Variants in CCDC91 observed in about 807,000 individuals in gnomAD.
The protein encoded by CCDC91 is coiled-coil domain containing 91.
A neutral mutation model predicts 63.2 loss-of-function variants in CCDC91; 48 were observed. The observed-to-expected ratio is 0.76, with a 90% CI of 0.60 to 0.97. CCDC91 has a LOEUF of 0.97. Among genes scored for constraint, CCDC91 ranks in the 50% least tolerant of loss-of-function variants. The probability of loss-of-function intolerance (pLI) is 0.00; values close to 1 mark genes in which losing one functional copy is unlikely to be tolerated. For synonymous variants in CCDC91, 167 were observed against 165.8 expected (o/e 1.01, Z -0.06); for missense variants, 500 against 494.6 (o/e 1.01, Z -0.10).
At chr12:28,449,869 C>T (rs1343659788) in intron 8 of CCDC91, among the ~76,000 whole-genome samples, 1 of 151,742 alleles carries the variant, frequency 6.6e-6, no homozygotes, top group African/African-American at 2.4e-5. Flanking sequence ...GAAATTTAAT[C>T]TTGGAAAATA....
At chr12:28,257,376 T>C (rs1430932702) in intron 2 of CCDC91, 131 bp downstream of exon 2, 1 of 611,348 alleles carries the variant, frequency 1.6e-6, no homozygotes, top group Non-Finnish European at 2.9e-6. Context: ...AATTCTGGAG[T>C]AAAAAGATGA....
intron 8 of CCDC91, among the ~76,000 whole-genome samples, chr12:28,404,066 T>G (rs570143716): frequency 2.0e-5 from 3 of 152,144 alleles, no homozygotes; most frequent in South Asian, 2.1e-4. Flanking sequence ...TATTTTAGAT[T>G]TAATTTACTC....
rs769584853 is a variant in CCDC91 at position 28,452,710 on chromosome 12, G to A, written c.1101+56G>A. The A allele has an allele frequency of 6.5e-5, 59 of 902,774 alleles. 1 individual carries two copies. The South Asian group carries it at 9.2e-4, about 14-fold the overall frequency. 55.9% of individuals were successfully genotyped at this position (902,774 alleles called of 1,614,324 possible). On this transcript the variant is annotated intron_variant, in intron 11 of 12. Transcript: ENST00000536442. Reference sequence around the variant, plus strand: ...ACTTTTTTCTCATTTTTCTCAAAATGAAGTACCCTTACTCTATCTTTTATC... The same window carrying A: ...ACTTTTTTCTCATTTTTCTCAAAATAAAGTACCCTTACTCTATCTTTTATC...
At chr12:28,481,848 A>G (rs964618097) in intron 11 of CCDC91, among the ~76,000 whole-genome samples, 1 of 152,002 alleles carries the variant, frequency 6.6e-6, no homozygotes, top group African/African-American at 2.4e-5. Context: ...AAAAATTTCA[A>G]CTGAGAAGGT....
chr12:28,314,821 T>C (rs1246031687), intron 6 of CCDC91, among the ~76,000 whole-genome samples: 1 of 152,008 alleles, frequency 6.6e-6, no homozygotes, highest in Non-Finnish European at 1.5e-5. Context: ...GAAATGTATG[T>C]ATTTCTGTTG....
At chr12:28,417,337 T>C (rs997268116) in intron 8 of CCDC91, among the ~76,000 whole-genome samples, 19 of 152,232 alleles carry the variant, frequency 1.2e-4, no homozygotes, top group African/African-American at 4.6e-4. Flanking sequence ...ATCATGCAGC[T>C]ACTACCATAA....
In CCDC91 at chr12:28,450,372, A is replaced by G. The variant is rs1949742864; in HGVS notation, c.878A>G (p.Glu293Gly). ...CAGGAAATATTGGAAAAGTGTTTGG[A>G]GGAAGAAAGGCAAAGAAATAAAGAG... is the stretch of plus-strand genomic sequence containing the variant. ...EQKEILEKCL[E>G]EERQRNKEAL... The change falls in exon 10 of 13, where the codon GAG (glutamate) becomes GGG (glycine). Residue 293 changes from glutamate to glycine, a missense_variant. Transcript: ENST00000536442. 1.2e-6 allele frequency: 2 copies of G among 1,612,082 alleles called. No homozygotes were observed. The highest frequency in any genetic ancestry group is 1.3e-5 in the African/African-American group (1 of 74,864).
chr12:28,434,443 G>C (rs1948789783), intron 8 of CCDC91, among the ~76,000 whole-genome samples: 1 of 151,316 alleles, frequency 6.6e-6, no homozygotes, highest in Non-Finnish European at 1.5e-5. Flanking sequence ...AGCTATCCTT[G>C]CATACCTAGG....
chr12:28,480,998 A>G (rs1951416735), intron 11 of CCDC91, among the ~76,000 whole-genome samples: 1 of 152,028 alleles, frequency 6.6e-6, no homozygotes, highest in Admixed American at 6.6e-5. Flanking sequence ...AAAATATCAT[A>G]TAAGTTTTTA....
intron 1 of CCDC91, among the ~76,000 whole-genome samples, chr12:28,219,614 G>T (rs1310445252): frequency 6.6e-6 from 1 of 151,844 alleles, no homozygotes; most frequent in Non-Finnish European, 1.5e-5. Context: ...TGGGACTACA[G>T]GTGTCTGCCA....
intron 8 of CCDC91, among the ~76,000 whole-genome samples, chr12:28,432,962 T>C (rs574334081): frequency 7.9e-5 from 12 of 152,092 alleles, no homozygotes; most frequent in Non-Finnish European, 1.6e-4. Flanking sequence ...TTCCCTGATA[T>C]GGGAAATGTG....
intron 12 of CCDC91, among the ~76,000 whole-genome samples, chr12:28,492,012 TTTA>T (rs1207296369): frequency 6.6e-6 from 1 of 151,418 alleles, no homozygotes; most frequent in Non-Finnish European, 1.5e-5. Flanking sequence ...TTGTGAGCCG[TTTA>T]TTAAGGGACC....
intron 6 of CCDC91, among the ~76,000 whole-genome samples, chr12:28,338,596 A>T (rs1942182068): frequency 6.6e-6 from 1 of 151,960 alleles, no homozygotes; most frequent in African/African-American, 2.4e-5. Flanking sequence ...CAAGGTAAGG[A>T]TTTTGGATTT....
intron 5 of CCDC91, 24 bp from the exon 6 acceptor site, chr12:28,307,621 C>A: frequency 2.5e-6 from 3 of 1,189,438 alleles, no homozygotes; most frequent in Admixed American, 4.7e-5. Context: ...TATTACAAAG[C>A]TTGTATTTGT....
chr12:28,255,387 G>A (rs1946380553), intron 1 of CCDC91, among the ~76,000 whole-genome samples: 1 of 152,148 alleles, frequency 6.6e-6, no homozygotes, highest in Non-Finnish European at 1.5e-5. Context: ...GGATACATGT[G>A]GAAGAGATAA....
intron 3 of CCDC91, among the ~76,000 whole-genome samples, chr12:28,280,362 A>C (rs761994959): frequency 6.6e-6 from 1 of 151,850 alleles, no homozygotes; most frequent in South Asian, 2.1e-4. Flanking sequence ...TTTTTCCTGT[A>C]TACATCTCTG....
At chr12:28,237,449 C>A (rs2135909583) in intron 1 of CCDC91, among the ~76,000 whole-genome samples, 1 of 152,216 alleles carries the variant, frequency 6.6e-6, no homozygotes, top group African/African-American at 2.4e-5. Context: ...CAAGTGTCCT[C>A]ATAAGAGATA....
chr12:28,197,573 TG>T (rs1280099976), intron 1 of CCDC91, among the ~76,000 whole-genome samples: 1 of 152,128 alleles, frequency 6.6e-6, no homozygotes, highest in African/African-American at 2.4e-5. Flanking sequence ...TACCTAAGGT[TG>T]TATTAATAGT....
At chr12:28,217,640 G>A (rs1224667376) in intron 1 of CCDC91, among the ~76,000 whole-genome samples, 2 of 152,108 alleles carry the variant, frequency 1.3e-5, no homozygotes, top group African/African-American at 4.8e-5. Flanking sequence ...GGATTTCATG[G>A]TAGGAATAGA....
Sources: allele counts gnomAD v4.1 joint callset (sites outside exome capture counted in the v4.1 genomes callset), GRCh38; gene constraint gnomAD v4.1.1; transcripts MANE v1.5; gene names NCBI Gene and HGNC (gene_info 2026-07-23, HGNC 2026-07-21).